SNAP25: variants seen among roughly 807,000 people sequenced by gnomAD.
SNAP25 encodes synaptosome associated protein 25, also known as synaptosomal-associated protein 25.
SNAP25 carries 3 observed loss-of-function variants against 28.7 expected under a neutral mutation model. The observed-to-expected ratio is 0.10, with a 90% CI of 0.05 to 0.27. The LOEUF is 0.27. Ranked by LOEUF, SNAP25 falls within the 10% of genes least tolerant of loss-of-function variation. The pLI, the probability that SNAP25 is intolerant of heterozygous loss-of-function variation, is 1.00. For synonymous variants in SNAP25, 61 were observed against 88.1 expected (o/e 0.69, Z 1.72); for missense variants, 117 against 278.7 (o/e 0.42, Z 4.13).
chr20:10,269,695 A>G (rs1394912231), intron 1 of SNAP25, among the ~76,000 whole-genome samples: 1 of 152,236 alleles, frequency 6.6e-6, no homozygotes, highest in Non-Finnish European at 1.5e-5. Context: ...TTGTTGTAGC[A>G]TGAAAGGAGC....
Position 10,275,411 on chromosome 20 carries a change from A to G in SNAP25, c.-63-18A>G, listed in dbSNP as rs917936375. 3.1e-6 allele frequency: 4 copies of G among 1,278,646 alleles called. No homozygotes were observed. Among genetic ancestry groups the G allele is most frequent in the Non-Finnish European group, 4.3e-6 (4 of 920,198 alleles). The allele number at this position is 1,278,646 out of a possible 1,614,324, so 79.2% of individuals were successfully genotyped here. On this transcript the variant is annotated intron_variant, in intron 1 of 7. Coordinates refer to ENST00000254976, the MANE Select transcript of SNAP25 (RefSeq NM_130811.4). ...AACATATATAAGCTCTCATATTTTCATATCTACTTCTTCCCAGGTCCAGAG... is the reference window on the plus strand; with the variant it reads ...AACATATATAAGCTCTCATATTTTCGTATCTACTTCTTCCCAGGTCCAGAG...
chr20:10,229,844 AG>A (rs1238883114), intron 1 of SNAP25, among the ~76,000 whole-genome samples: 1 of 152,178 alleles, frequency 6.6e-6, no homozygotes, highest in Non-Finnish European at 1.5e-5. Flanking sequence ...ATACATAAAC[AG>A]GGGTTAGTAA....
chr20:10,230,780 G>T (rs1378712264), intron 1 of SNAP25, among the ~76,000 whole-genome samples: 1 of 152,190 alleles, frequency 6.6e-6, no homozygotes, highest in African/African-American at 2.4e-5. Context: ...GAGAAGAGCT[G>T]TCCTGGACCA....
chr20:10,234,724 G>A (rs530597633), intron 1 of SNAP25, among the ~76,000 whole-genome samples: 3 of 152,242 alleles, frequency 2.0e-5, no homozygotes, highest in East Asian at 1.9e-4. Flanking sequence ...GGGGAAACAC[G>A]ATTAGACATA....
At chr20:10,246,089 G>A (rs1364508786) in intron 1 of SNAP25, among the ~76,000 whole-genome samples, 1 of 152,190 alleles carries the variant, frequency 6.6e-6, no homozygotes, top group Non-Finnish European at 1.5e-5. Context: ...CTCCACTTCT[G>A]TCTAAAGTCT....
At chr20:10,304,981 C>T (rs2064321893) in intron 7 of SNAP25, among the ~76,000 whole-genome samples, 1 of 152,148 alleles carries the variant, frequency 6.6e-6, no homozygotes, top group Non-Finnish European at 1.5e-5. Context: ...TGATTTAATA[C>T]TTCACCTTTA....
At chr20:10,232,318 C>T (rs1344028801) in intron 1 of SNAP25, among the ~76,000 whole-genome samples, 1 of 152,224 alleles carries the variant, frequency 6.6e-6, no homozygotes. Context: ...AGTGCTCAAT[C>T]AATTGTGGGT....
intron 7 of SNAP25, among the ~76,000 whole-genome samples, chr20:10,304,727 T>A (rs1568633489): frequency 6.6e-6 from 1 of 152,222 alleles, no homozygotes; most frequent in South Asian, 2.1e-4. Flanking sequence ...GCACTTTGTA[T>A]GGGTGCATGA....
intron 1 of SNAP25, among the ~76,000 whole-genome samples, chr20:10,223,343 A>C (rs528804495): frequency 6.6e-6 from 1 of 152,312 alleles, no homozygotes; most frequent in Admixed American, 6.5e-5. Context: ...GCTAAGCCAA[A>C]ATAGTCAGTG....
At chr20:10,275,068 T>TA (rs2063664604) in intron 1 of SNAP25, among the ~76,000 whole-genome samples, 3 of 63,492 alleles carry the variant, frequency 4.7e-5, no homozygotes, top group Non-Finnish European at 6.7e-5. Context: ...AATAGAGCTA[T>TA]TTAAATAAAT....
chr20:10,296,758 T>C (rs189730249), intron 5 of SNAP25, 167 bp from the exon 6 acceptor site: 214 of 847,310 alleles, frequency 2.5e-4, no homozygotes, highest in African/African-American at 1.6e-3. Context: ...AGCTGAGGCA[T>C]GGTGGTGGCC....
At chr20:10,224,378 C>T (rs1457598242) in intron 1 of SNAP25, among the ~76,000 whole-genome samples, 5 of 138,036 alleles carry the variant, frequency 3.6e-5, no homozygotes, top group Non-Finnish European at 7.7e-5. Context: ...AGCCCTGAAA[C>T]AACTGCTTGT....
intron 4 of SNAP25, among the ~76,000 whole-genome samples, chr20:10,289,408 C>G (rs1474523387): frequency 1.3e-5 from 2 of 151,962 alleles, no homozygotes; most frequent in African/African-American, 4.8e-5. Context: ...CTCCTGGGAT[C>G]AGCTCCAAAC....
chr20:10,277,945 T>C (rs1251042220), intron 3 of SNAP25: 6 of 482,478 alleles, frequency 1.2e-5, no homozygotes, highest in Non-Finnish European at 2.2e-5. Context: ...ACCTCTGTAG[T>C]CTGGTCTGGG....
chr20:10,297,252 T>C (rs1299732018), intron 6 of SNAP25, among the ~76,000 whole-genome samples: 3 of 152,206 alleles, frequency 2.0e-5, no homozygotes, highest in Non-Finnish European at 2.9e-5. Flanking sequence ...GGTGGTTGGC[T>C]GGGGCTGTTG....
intron 1 of SNAP25, among the ~76,000 whole-genome samples, chr20:10,255,306 G>A (rs1241872353): frequency 6.6e-6 from 1 of 152,152 alleles, no homozygotes; most frequent in Non-Finnish European, 1.5e-5. Flanking sequence ...TGCTCCTCTG[G>A]CCACAAGTGA....
chr20:10,261,605 C>T (rs899610429), intron 1 of SNAP25, among the ~76,000 whole-genome samples: 3 of 152,080 alleles, frequency 2.0e-5, no homozygotes. Flanking sequence ...TGTGTATCTA[C>T]TTTAATGTAT....
intron 3 of SNAP25, among the ~76,000 whole-genome samples, chr20:10,281,584 A>G (rs1414310134): frequency 1.3e-5 from 2 of 152,224 alleles, no homozygotes; most frequent in Non-Finnish European, 2.9e-5. Flanking sequence ...GTGGTTAAGT[A>G]GCTTGCTTGA....
intron 3 of SNAP25, among the ~76,000 whole-genome samples, chr20:10,282,177 AAGG>A (rs2063790296): frequency 7.9e-6 from 1 of 126,076 alleles, no homozygotes; most frequent in Admixed American, 7.7e-5. Flanking sequence ...GGAAGGAAGG[AAGG>A]AAGGAAGGAA....
Sources: allele counts gnomAD v4.1 joint callset (sites outside exome capture counted in the v4.1 genomes callset), GRCh38; gene constraint gnomAD v4.1.1; transcripts MANE v1.5; gene names NCBI Gene and HGNC (gene_info 2026-07-23, HGNC 2026-07-21).